Variants in TBC1D32 observed in about 807,000 individuals in gnomAD.
The protein encoded by TBC1D32 is protein broad-minded.
Under a neutral mutation model 170.3 loss-of-function variants are expected in TBC1D32, and 151 were observed. The ratio of observed to expected loss-of-function variants is 0.89; its 90% CI spans 0.78 to 1.01. TBC1D32 has a LOEUF of 1.01. TBC1D32 is among the 50% of genes least tolerant of loss of function. TBC1D32 has a pLI of 0.00. For synonymous variants in TBC1D32, 498 were observed against 488.0 expected, an observed-to-expected ratio of 1.02 and a Z score of -0.27; for missense variants, 1,464 against 1,457.1, an observed-to-expected ratio of 1.00 and a Z score of -0.08.
At chr6:121,110,283 A>C (rs1007192088) in intron 29 of TBC1D32, among the ~76,000 whole-genome samples, 1 of 149,568 alleles carries the variant, frequency 6.7e-6, no homozygotes, top group Non-Finnish European at 1.5e-5. Context: ...TATATATAAA[A>C]ATATATAAAT....
intron 29 of TBC1D32, among the ~76,000 whole-genome samples, chr6:121,106,617 T>C (rs1046018294): frequency 2.0e-5 from 3 of 152,024 alleles, no homozygotes; most frequent in Non-Finnish European, 2.9e-5. Flanking sequence ...GTTGAAGATA[T>C]TTGCATTGTA....
At chr6:121,206,186 GGTGA>G (rs1421214232) in intron 21 of TBC1D32, among the ~76,000 whole-genome samples, 2 of 150,300 alleles carry the variant, frequency 1.3e-5, no homozygotes, top group Non-Finnish European at 2.9e-5. Context: ...CTCCAGCCTA[GGTGA>G]CAAAGCAAGA....
At chr6:121,137,658 T>C (rs1782282004) in intron 24 of TBC1D32, among the ~76,000 whole-genome samples, 1 of 151,876 alleles carries the variant, frequency 6.6e-6, no homozygotes, top group Non-Finnish European at 1.5e-5. Flanking sequence ...TTTGGGGATA[T>C]TATATAATTA....
At chr6:121,101,189 AC>A (rs1324087350) in intron 30 of TBC1D32, among the ~76,000 whole-genome samples, 2 of 152,172 alleles carry the variant, frequency 1.3e-5, no homozygotes, top group Non-Finnish European at 2.9e-5. Flanking sequence ...TCCTTCTGAA[AC>A]TATTCCAATT....
In TBC1D32 at chr6:121,304,422, C is replaced by T. The variant is rs377465896; in HGVS notation, c.878G>A (p.Arg293His). ...TTCTTTCTGATATTCATTTAGAAGA[C>T]GAACCTACAAAGCAGTGCACAATAG... is the stretch of plus-strand genomic sequence containing the variant. ...PNMTRLLKKV[R>H]LLNEYQKEAP... Residue 293 changes from arginine to histidine, a missense_variant, in exon 8 of 32, where the codon CGT becomes CAT. This residue lies in a region of TBC1D32 where 1,363 missense variants were observed against 1,338.1 expected (regional missense o/e 1.02). Transcript: ENST00000398212. 34 of 1,612,894 alleles carry T rather than the reference C, an allele frequency of 2.1e-5. 1 individual carries two copies. The highest frequency in any genetic ancestry group is 5.5e-5 in the South Asian group (5 of 90,974).
At chr6:121,249,973 G>GA (rs34265010) in intron 17 of TBC1D32, among the ~76,000 whole-genome samples, 3,618 of 150,456 alleles carry the variant, frequency 0.024, 158 homozygotes, top group East Asian at 0.12. Flanking sequence ...CACAAAACTA[G>GA]AAAAAAAAAT....
intron 10 of TBC1D32, among the ~76,000 whole-genome samples, chr6:121,294,880 T>C (rs920815258): frequency 2.0e-5 from 3 of 152,198 alleles, no homozygotes; most frequent in African/African-American, 7.2e-5. Flanking sequence ...CCAACAAATA[T>C]GATAATGTTA....
At chr6:121,081,167 T>C (rs550652563) in intron 31 of TBC1D32, among the ~76,000 whole-genome samples, 1 of 152,230 alleles carries the variant, frequency 6.6e-6, no homozygotes, top group Non-Finnish European at 1.5e-5. Context: ...GAAATCTTTC[T>C]AATTTTAAAT....
rs779331731 is a variant in TBC1D32, at chr6:121,308,128, T to TAA, written c.565-29_565-28dup. On this transcript the variant is annotated intron_variant, in intron 4 of 31. Coordinates refer to ENST00000398212, the MANE Select transcript of TBC1D32 (RefSeq NM_152730.6). ...TACAATTTTTTTAAAAGACTTTTATTAACACTCAGTCACTAAAATAATGCC... is the reference window on the plus strand; with the variant it reads ...TACAATTTTTTTAAAAGACTTTTATTAAAACACTCAGTCACTAAAATAATGCC... 24 of 1,605,150 alleles carry TAA rather than the reference T, an allele frequency of 1.5e-5. No individual in the cohort carries two copies. The East Asian group carries it at 4.9e-4, about 33-fold the overall frequency.
rs776711519 is a variant in TBC1D32 at position 121,242,224 on chromosome 6, T to C, written c.2134A>G (p.Asn712Asp). 2.8e-5 allele frequency: 45 copies of C among 1,611,854 alleles called. No homozygotes were observed. Among genetic ancestry groups the C allele is most frequent in the Non-Finnish European group, 3.8e-5 (45 of 1,179,134 alleles). ...AINECVTFIF[N>D]RYAKKLQVSR... The stretch of plus-strand genomic sequence containing the variant: ...ACCTGTAATTTTTTTGCATATCGAT[T>C]GAATATAAATGTCACACATTCATTG... Residue 712 changes from asparagine (N) to aspartate (D), a missense_variant, in exon 18 of 32, where the codon AAT becomes GAT. Asn to Asp is a conservative substitution (Grantham distance 23). This residue lies in a region of TBC1D32 where 1,363 missense variants were observed against 1,338.1 expected (regional missense o/e 1.02). Coordinates refer to ENST00000398212, the MANE Select transcript of TBC1D32 (RefSeq NM_152730.6).
chr6:121,247,962 A>G (rs1797840115), intron 17 of TBC1D32, among the ~76,000 whole-genome samples: 1 of 152,096 alleles, frequency 6.6e-6, no homozygotes. Flanking sequence ...ACTCTACAAC[A>G]AATGGACTTA....
At chr6:121,186,644 T>G (rs1450753606) in intron 22 of TBC1D32, among the ~76,000 whole-genome samples, 2 of 152,086 alleles carry the variant, frequency 1.3e-5, no homozygotes, top group African/African-American at 4.8e-5. Context: ...AGGAAATTTA[T>G]AATTTCCTTT....
chr6:121,123,803 C>T (rs1276686883), intron 26 of TBC1D32, among the ~76,000 whole-genome samples: 8 of 151,436 alleles, frequency 5.3e-5, no homozygotes, highest in Non-Finnish European at 7.4e-5. Context: ...TTCCTCTATC[C>T]TTTCTTACTA....
chr6:121,256,071 T>C lies in TBC1D32; in HGVS notation c.1935+13A>G, dbSNP rs756446568. 7 of 1,600,716 alleles carry C rather than the reference T, an allele frequency of 4.4e-6. No individual in the cohort carries two copies. Among genetic ancestry groups the C allele is most frequent in the Middle Eastern group, 1.7e-4 (1 of 5,932 alleles). On this transcript the variant is annotated intron_variant, in intron 16 of 31. Coordinates refer to ENST00000398212, the MANE Select transcript of TBC1D32 (RefSeq NM_152730.6). ...ATTTGCAGGGAGAAAAAACGAAGCT[T>C]GAAAATACTTACCTTTTTCCATGCC...
At chr6:121,086,167 T>C (rs1776256888) in intron 31 of TBC1D32, among the ~76,000 whole-genome samples, 1 of 152,118 alleles carries the variant, frequency 6.6e-6, no homozygotes, top group South Asian at 2.1e-4. Flanking sequence ...ACTTACTATG[T>C]TCCAGATAAT....
intron 24 of TBC1D32, among the ~76,000 whole-genome samples, chr6:121,137,374 G>C (rs991184132): frequency 6.6e-6 from 1 of 151,046 alleles, no homozygotes. Context: ...TCCCAAGAAA[G>C]GTTTGATTTA....
intron 21 of TBC1D32, among the ~76,000 whole-genome samples, chr6:121,211,922 C>T (rs568211513): frequency 1.3e-5 from 2 of 151,972 alleles, no homozygotes; most frequent in East Asian, 1.9e-4. Flanking sequence ...CACAGTTCCT[C>T]GACCACAGTG....
At chr6:121,288,125 T>G (rs373436780) in intron 12 of TBC1D32, among the ~76,000 whole-genome samples, 1 of 152,068 alleles carries the variant, frequency 6.6e-6, no homozygotes, top group Non-Finnish European at 1.5e-5. Flanking sequence ...ATTCAAAAGC[T>G]AGCAGAAGGC....
rs764042251 is a variant in TBC1D32, at chr6:121,161,000, T to C, written c.2627A>G (p.Asn876Ser). 6.8e-6 allele frequency: 11 copies of C among 1,613,808 alleles called. No homozygotes were observed. Among genetic ancestry groups the C allele is most frequent in the Non-Finnish European group, 5.9e-6 (7 of 1,179,968 alleles). The change falls in exon 23 of 32, where the codon AAT (asparagine) becomes AGT (serine). Residue 876 changes from asparagine to serine, a missense_variant. Asn to Ser is a conservative substitution (Grantham distance 46, BLOSUM62 1). Coordinates refer to ENST00000398212, the MANE Select transcript of TBC1D32 (RefSeq NM_152730.6). ...CCGTTCCAATGGCCCACCAACAAGA[T>C]TTATTCTAACAAGAACATGATTTCT... ...VERNHVLVRI[N>S]LVGGPLERIL...
Sources: gnomAD v4.1 joint callset for allele counts (sites outside exome capture counted in the v4.1 genomes callset) on GRCh38, gnomAD v4.1.1 for gene constraint, gnomAD v4.1.1 regional missense constraint, MANE v1.5 for transcripts, NCBI Gene and HGNC (gene_info 2026-07-23, HGNC 2026-07-21) for gene names.